Variants in SORCS3 observed in about 807,000 individuals in gnomAD.
The protein encoded by SORCS3 is VPS10 domain-containing receptor SorCS3.
Under a neutral mutation model 146.3 loss-of-function variants are expected in SORCS3, and 57 were observed. The ratio of observed to expected loss-of-function variants is 0.39; its 90% CI spans 0.31 to 0.49. The LOEUF is 0.49. SORCS3 is among the 20% of genes least tolerant of loss of function. The pLI is 0.92. For missense variants in SORCS3, 1,341 were observed against 1,575.5 expected, an observed-to-expected ratio of 0.85 and a Z score of 2.52; for synonymous variants, 653 against 618.5, an observed-to-expected ratio of 1.06 and a Z score of -0.83.
chr10:105,067,246 G>T (rs781529227), intron 5 of SORCS3, among the ~76,000 whole-genome samples: 4 of 152,126 alleles, frequency 2.6e-5, no homozygotes, highest in Non-Finnish European at 4.4e-5. Context: ...AATAAACAAG[G>T]CCAGGCATGG....
intron 2 of SORCS3, among the ~76,000 whole-genome samples, chr10:104,901,210 T>C (rs1218972505): frequency 6.6e-6 from 1 of 152,344 alleles, no homozygotes; most frequent in Middle Eastern, 3.4e-3. Flanking sequence ...AAATGCTTCA[T>C]GTGCATTGCC....
intron 2 of SORCS3, among the ~76,000 whole-genome samples, chr10:104,893,501 G>A (rs1325015946): frequency 1.3e-5 from 2 of 152,170 alleles, no homozygotes; most frequent in African/African-American, 4.8e-5. Flanking sequence ...TTCACTTGTA[G>A]AGAGATTTTC....
intron 8 of SORCS3, among the ~76,000 whole-genome samples, chr10:105,140,083 A>G (rs767315584): frequency 1.1e-4 from 16 of 152,132 alleles, no homozygotes; most frequent in Non-Finnish European, 1.5e-4. Context: ...CTGGAGGGAG[A>G]TGGACCTTAG....
chr10:105,169,293 C>G (rs2056340811), intron 13 of SORCS3, among the ~76,000 whole-genome samples: 1 of 152,090 alleles, frequency 6.6e-6, no homozygotes, highest in Non-Finnish European at 1.5e-5. Flanking sequence ...TCCCTGCCCT[C>G]CAGGAGACTA....
chr10:104,977,116 C>A (rs1487698284), intron 3 of SORCS3, among the ~76,000 whole-genome samples: 1 of 151,896 alleles, frequency 6.6e-6, no homozygotes, highest in Non-Finnish European at 1.5e-5. Flanking sequence ...ATGAAACCTT[C>A]TTCTATATGC....
intron 1 of SORCS3, among the ~76,000 whole-genome samples, chr10:104,646,803 T>C (rs1187185940): frequency 1.3e-5 from 2 of 152,034 alleles, no homozygotes; most frequent in Non-Finnish European, 2.9e-5. Flanking sequence ...GCCTAGTGGG[T>C]CACTAGGCAG....
At chr10:105,159,346 G>A (rs542215500) in intron 11 of SORCS3, among the ~76,000 whole-genome samples, 4 of 152,330 alleles carry the variant, frequency 2.6e-5, no homozygotes, top group African/African-American at 9.6e-5. Flanking sequence ...CTCACCAGAT[G>A]TAAGTTGGGG....
At chr10:104,992,559 G>C (rs1246282673) in intron 4 of SORCS3, among the ~76,000 whole-genome samples, 1 of 152,202 alleles carries the variant, frequency 6.6e-6, no homozygotes, top group African/African-American at 2.4e-5. Flanking sequence ...CCTTAGCTTG[G>C]AGGATAAAGT....
Position 105,043,188 on chromosome 10 carries a change from C to T in SORCS3, c.1028+60C>T. 10 of 1,405,716 alleles carry T rather than the reference C, an allele frequency of 7.1e-6. No homozygotes were observed. In the South Asian group the frequency reaches 1.2e-4, roughly 16 times the overall value. 87.1% of individuals were successfully genotyped at this position (1,405,716 alleles called of 1,614,324 possible). On this transcript the variant is annotated intron_variant, in intron 5 of 26. Coordinates refer to ENST00000369701, the MANE Select transcript of SORCS3 (RefSeq NM_014978.3). Reference sequence around the variant, plus strand: ...TAAAGAATTATCAAACAGCGTAGCACTCTAGACAGCTCTGGACAGTTGCAG... The same window carrying T: ...TAAAGAATTATCAAACAGCGTAGCATTCTAGACAGCTCTGGACAGTTGCAG...
At chr10:104,976,600 A>G (rs1481413056) in intron 3 of SORCS3, among the ~76,000 whole-genome samples, 1 of 152,174 alleles carries the variant, frequency 6.6e-6, no homozygotes, top group Admixed American at 6.5e-5. Context: ...TGCTATAAAG[A>G]CACATGCACA....
At chr10:105,156,324 G>A (rs907994319) in intron 9 of SORCS3, among the ~76,000 whole-genome samples, 6 of 152,116 alleles carry the variant, frequency 3.9e-5, no homozygotes, top group Admixed American at 1.3e-4. Context: ...TGCTTTCCTT[G>A]CCCAGCATAT....
intron 5 of SORCS3, among the ~76,000 whole-genome samples, chr10:105,055,724 AT>A (rs1287861369): frequency 6.6e-6 from 1 of 152,196 alleles, no homozygotes; most frequent in African/African-American, 2.4e-5. Flanking sequence ...TTTTTTCAAC[AT>A]TCAAATCCCA....
intron 1 of SORCS3, among the ~76,000 whole-genome samples, chr10:104,647,476 T>TA (rs1463509785): frequency 6.6e-6 from 1 of 152,254 alleles, no homozygotes; most frequent in African/African-American, 2.4e-5. Flanking sequence ...ATATTTAGTT[T>TA]AGTACTTACT....
At chr10:104,983,251 T>C (rs2054941936) in intron 4 of SORCS3, among the ~76,000 whole-genome samples, 1 of 151,744 alleles carries the variant, frequency 6.6e-6, no homozygotes, top group Admixed American at 6.6e-5. Context: ...TCTGCCCTCC[T>C]CGGCCTCCCA....
rs1175588620 is a variant in SORCS3 at position 105,105,483 on chromosome 10, C to T, written c.1180C>T (p.Leu394=). 2 of 1,613,338 alleles carry T rather than the reference C, an allele frequency of 1.2e-6. No homozygotes were observed. The highest frequency in any genetic ancestry group is 1.7e-5 in the Admixed American group (1 of 60,006). Reference sequence around the variant, plus strand: ...TGCCCGCTCCATTGACATCAGTTCCCTGGTTGTCCAGGATGAATATATCTT... The same window carrying T: ...TGCCCGCTCCATTGACATCAGTTCCTTGGTTGTCCAGGATGAATATATCTT... ...PFARSIDISS[L]VVQDEYIFIQ... The change falls in exon 7 of 27, where the codon CTG becomes TTG. Residue 394 remains leucine, a synonymous_variant. Coordinates refer to ENST00000369701, the MANE Select transcript of SORCS3 (RefSeq NM_014978.3).
At chr10:105,132,729 A>C (rs555966457) in intron 7 of SORCS3, among the ~76,000 whole-genome samples, 1 of 152,340 alleles carries the variant, frequency 6.6e-6, no homozygotes, top group South Asian at 2.1e-4. Context: ...CAGGAGCCCA[A>C]TTAAACCTGT....
At chr10:105,177,467 T>C (rs1318501031) in intron 13 of SORCS3, among the ~76,000 whole-genome samples, 2 of 152,140 alleles carry the variant, frequency 1.3e-5, no homozygotes, top group Non-Finnish European at 2.9e-5. Flanking sequence ...CTTTAAAGCA[T>C]TGCAGGTTCT....
At chr10:105,260,829 G>A (rs1048521142) in intron 25 of SORCS3, among the ~76,000 whole-genome samples, 2 of 152,124 alleles carry the variant, frequency 1.3e-5, no homozygotes, top group African/African-American at 4.8e-5. Context: ...AAGTTTCAGT[G>A]ATATCTATGC....
At chr10:104,814,575 C>T (rs896687007) in intron 1 of SORCS3, among the ~76,000 whole-genome samples, 2 of 152,198 alleles carry the variant, frequency 1.3e-5, no homozygotes, top group Non-Finnish European at 2.9e-5. Flanking sequence ...ATCAATTTCT[C>T]CTCCTGGAAG....
Sources: allele counts gnomAD v4.1 joint callset (sites outside exome capture counted in the v4.1 genomes callset), GRCh38; gene constraint gnomAD v4.1.1; transcripts MANE v1.5; gene names NCBI Gene and HGNC (gene_info 2026-07-23, HGNC 2026-07-21).